PLAC1: variants seen among roughly 807,000 people sequenced by gnomAD.
PLAC1 encodes the protein placenta associated 1.
For synonymous variants in PLAC1, 68 were observed against 62.1 expected (o/e 1.09, Z -0.44); for missense variants, 136 against 163.2 (o/e 0.83, Z 0.91).
intron 1 of PLAC1, among the ~76,000 whole-genome samples, chrX:134,618,057 G>T (rs755698167): frequency 8.9e-6 from 1 of 112,173 alleles, no homozygotes; most frequent in South Asian, 3.7e-4. Flanking sequence ...GAACTTTTGA[G>T]CTGATGTGAC....
chrX:134,625,510 G>A lies in PLAC1; in HGVS notation c.-130-23388C>T, dbSNP rs182983414. On this transcript the variant is annotated intron_variant, in intron 1 of 2. Transcript: ENST00000359237. ...CAGCCAAATATCCACCCAAAGTTGC[G>A]TATTTGGCAGTTTCAAACTGAGAAA... Among the ~76,000 whole-genome samples, 157 of 112,052 alleles carry A rather than the reference G, an allele frequency of 1.4e-3. 2 individuals are homozygous for A. Among genetic ancestry groups the A allele is most frequent in the African/African-American group, 4.9e-3 (151 of 30,880 alleles).
In PLAC1 at chrX:134,750,812, A is replaced by AAAAAT. The variant is rs1381496461; in HGVS notation, n.89+13421_89+13422insATTTT. Among the ~76,000 whole-genome samples the AAAAAT allele has an allele frequency of 7.7e-5, 4 of 52,012 alleles. 1 individual carries two copies. Among genetic ancestry groups the AAAAAT allele is most frequent in the African/African-American group, 5.2e-4 (4 of 7,645 alleles). 45.2% of individuals were successfully genotyped at this position (52,012 alleles called of 115,157 possible). On this transcript the variant is annotated intron_variant and non_coding_transcript_variant, in intron 1 of 2. Transcript: ENST00000466797. ...TCTCTAATAAAAATACAAAAAAAAAAATATATATATATATATATATATTTA... is the reference window on the plus strand; with the variant it reads ...TCTCTAATAAAAATACAAAAAAAAAAAAAATATATATATATATATATATATATTTA...
chrX:134,627,944 G>A (rs2078243743), intron 1 of PLAC1, among the ~76,000 whole-genome samples: 2 of 111,614 alleles, frequency 1.8e-5, no homozygotes, highest in African/African-American at 6.5e-5. Context: ...CTAGCTGTCT[G>A]ACTTAGGGAA....
At chrX:134,675,665 CAAA>C (rs745755595) in intron 2 of PLAC1, among the ~76,000 whole-genome samples, 3 of 80,986 alleles carry the variant, frequency 3.7e-5, no homozygotes, top group African/African-American at 4.6e-5. Context: ...AACTCCATCT[CAAA>C]AAAAAAAAAA....
chrX:134,635,024 G>C (rs1282987817), intron 1 of PLAC1, among the ~76,000 whole-genome samples: 1 of 111,917 alleles, frequency 8.9e-6, no homozygotes, highest in African/African-American at 3.3e-5. Context: ...GTGACGTTTT[G>C]ATCCTGTCCG....
chrX:134,636,922 G>A (rs774257273), intron 1 of PLAC1, among the ~76,000 whole-genome samples: 1 of 112,170 alleles, frequency 8.9e-6, no homozygotes, highest in East Asian at 2.8e-4. Context: ...ACAGTACCTG[G>A]GTAGGATTTC....
chrX:134,718,757 T>C (rs1003629998), intron 2 of PLAC1, among the ~76,000 whole-genome samples: 4 of 111,811 alleles, frequency 3.6e-5, no homozygotes, highest in African/African-American at 9.8e-5. Context: ...AGACAAATGT[T>C]TATATTTTGC....
chrX:134,629,117 T>C (rs1222762979), intron 1 of PLAC1, among the ~76,000 whole-genome samples: 2 of 111,875 alleles, frequency 1.8e-5, no homozygotes, highest in Non-Finnish European at 1.9e-5. Context: ...CCCACTTACA[T>C]TGAGAAAACC....
intron 1 of PLAC1, among the ~76,000 whole-genome samples, chrX:134,742,457 G>A (rs1326761921): frequency 2.7e-5 from 3 of 111,945 alleles, no homozygotes; most frequent in Non-Finnish European, 1.9e-5. Flanking sequence ...GCATGGTGGC[G>A]CATGCCTGTA....
intron 2 of PLAC1, among the ~76,000 whole-genome samples, chrX:134,732,457 T>C (rs1352400672): frequency 8.9e-6 from 1 of 111,787 alleles, no homozygotes; most frequent in Non-Finnish European, 1.9e-5. Context: ...ATTTGGTCTG[T>C]ATGTGGGCTC....
chrX:134,587,232 C>T (rs188297231), intron 2 of PLAC1, among the ~76,000 whole-genome samples: 145 of 109,795 alleles, frequency 1.3e-3, no homozygotes, highest in African/African-American at 4.7e-3. Context: ...TGGTTCTCTC[C>T]CCACAGAAGT....
intron 2 of PLAC1, among the ~76,000 whole-genome samples, chrX:134,688,722 T>C (rs1442196629): frequency 4.5e-5 from 5 of 112,116 alleles, no homozygotes; most frequent in Admixed American, 2.8e-4. Context: ...GAAAACAATA[T>C]GTCTTTCAAA....
chrX:134,714,008 A>C (rs944285383), intron 2 of PLAC1, among the ~76,000 whole-genome samples: 3 of 111,932 alleles, frequency 2.7e-5, no homozygotes, highest in African/African-American at 6.5e-5. Flanking sequence ...GATTGGAGGA[A>C]GAGAAGAGTC....
chrX:134,705,416 C>CAAAA (rs756637363), intron 2 of PLAC1, among the ~76,000 whole-genome samples: 5 of 28,961 alleles, frequency 1.7e-4, no homozygotes, highest in South Asian at 2.0e-3. Flanking sequence ...GACTCCGTCT[C>CAAAA]AAAAAAAAAA....
chrX:134,580,376 T>C (rs1024252492), intron 2 of PLAC1, among the ~76,000 whole-genome samples: 4 of 112,155 alleles, frequency 3.6e-5, no homozygotes, highest in African/African-American at 1.3e-4. Flanking sequence ...TTAACCCTCA[T>C]AGCAACTCTG....
At chrX:134,719,610 C>T (rs780926529) in intron 2 of PLAC1, among the ~76,000 whole-genome samples, 24 of 110,644 alleles carry the variant, frequency 2.2e-4, no homozygotes, top group Non-Finnish European at 4.3e-4. Context: ...GCCAACATGG[C>T]GAAACCCCAT....
In PLAC1 at chrX:134,652,618, T is replaced by C. The variant is rs145506213; in HGVS notation, c.-131+5710A>G. Among the ~76,000 whole-genome samples the C allele has an allele frequency of 4.7e-3, 530 of 112,078 alleles. 2 individuals carry two copies. Among genetic ancestry groups the C allele is most frequent in the African/African-American group, 0.016 (505 of 30,900 alleles). ...TAGCTGGCCAGCTGACTTCCAGAAA[T>C]TCTGCTGGAGCAGAGCAGTGCTGGC... is the stretch of plus-strand genomic sequence containing the variant. On this transcript the variant is annotated intron_variant, in intron 1 of 2. Coordinates refer to ENST00000359237, the MANE Select transcript of PLAC1 (RefSeq NM_021796.4).
Position 134,566,757 on chromosome X carries a change from C to T in PLAC1, c.-58-17G>A, listed in dbSNP as rs1450802166. ...TGAGGATTTCTAGAGCACAAAAAAA[C>T]ACAAGAGGCAAGTCATCTTATTTTC... On this transcript the variant is annotated splice_polypyrimidine_tract_variant and intron_variant, in intron 2 of 2. Transcript: ENST00000359237. 4 of 805,304 alleles carry T rather than the reference C, an allele frequency of 5.0e-6. No homozygotes were observed. Among genetic ancestry groups the T allele is most frequent in the Non-Finnish European group, 7.0e-6 (4 of 570,414 alleles). 66.4% of individuals were successfully genotyped at this position (805,304 alleles called of 1,213,427 possible).
At chrX:134,651,824 C>A (rs1323969325) in intron 1 of PLAC1, among the ~76,000 whole-genome samples, 2 of 109,863 alleles carry the variant, frequency 1.8e-5, no homozygotes, top group African/African-American at 6.6e-5. Context: ...CTGCCTGAGA[C>A]CCTCAGGCTG....
Sources: gnomAD v4.1 joint callset for allele counts (sites outside exome capture counted in the v4.1 genomes callset) on GRCh38, gnomAD v4.1.1 for gene constraint, MANE v1.5 for transcripts, NCBI Gene and HGNC (gene_info 2026-07-23, HGNC 2026-07-21) for gene names.